Variants in KDM4C observed in about 807,000 individuals in gnomAD.
KDM4C encodes lysine-specific demethylase 4C.
A neutral mutation model predicts 129.3 loss-of-function variants in KDM4C; 81 were observed. The ratio of observed to expected loss-of-function variants is 0.63; its 90% CI spans 0.52 to 0.75. KDM4C has a LOEUF of 0.75. KDM4C is among the 30% of genes least tolerant of loss of function. The probability of loss-of-function intolerance (pLI) is 0.00; values close to 1 mark genes in which losing one functional copy is unlikely to be tolerated. For missense variants in KDM4C, 1,457 were observed against 1,304.0 expected, an observed-to-expected ratio of 1.12 and a Z score of -1.81; for synonymous variants, 573 against 456.1, an observed-to-expected ratio of 1.26 and a Z score of -3.26.
intron 5 of KDM4C, among the ~76,000 whole-genome samples, chr9:6,860,797 A>C (rs184291975): frequency 6.6e-5 from 10 of 152,294 alleles, no homozygotes; most frequent in Non-Finnish European, 1.2e-4. Flanking sequence ...ATTCATGTTA[A>C]AATGATCTCA....
At chr9:7,010,428 A>T (rs141784818) in intron 12 of KDM4C, among the ~76,000 whole-genome samples, 371 of 152,336 alleles carry the variant, frequency 2.4e-3, no homozygotes, top group South Asian at 5.4e-3. Flanking sequence ...CCATTTTGCC[A>T]TCAGTGCAAA....
chr9:6,762,261 A>G (rs1283038729), intron 1 of KDM4C, among the ~76,000 whole-genome samples: 1 of 113,010 alleles, frequency 8.8e-6, no homozygotes, highest in Admixed American at 9.8e-5. Flanking sequence ...CCCCCACCCC[A>G]CAACAGGCCC....
intron 8 of KDM4C, among the ~76,000 whole-genome samples, chr9:6,950,042 G>GT (rs35466020): frequency 0.33 from 39,774 of 122,330 alleles, 6,819 homozygotes; most frequent in East Asian, 0.57. Flanking sequence ...CATGTGGCTG[G>GT]TTTTTTTTTT....
intron 8 of KDM4C, among the ~76,000 whole-genome samples, chr9:6,976,894 C>A (rs947252488): frequency 1.3e-5 from 2 of 151,512 alleles, no homozygotes; most frequent in African/African-American, 2.4e-5. Flanking sequence ...TATTTTAGAT[C>A]TAAAGGATAA....
At chr9:7,161,432 G>C (rs1460667599) in intron 19 of KDM4C, among the ~76,000 whole-genome samples, 1 of 152,222 alleles carries the variant, frequency 6.6e-6, no homozygotes, top group Non-Finnish European at 1.5e-5. Context: ...GAGAGCTGCA[G>C]ACGGGAGCTG....
At chr9:6,925,072 C>A (rs1822231006) in intron 8 of KDM4C, 1 of 985,358 alleles carries the variant, frequency 1.0e-6, no homozygotes, top group Non-Finnish European at 1.2e-6. Flanking sequence ...AAACATGCAT[C>A]CTTTTTAAAA....
At chr9:7,085,456 A>C (rs1835001780) in intron 17 of KDM4C, among the ~76,000 whole-genome samples, 1 of 152,172 alleles carries the variant, frequency 6.6e-6, no homozygotes, top group Non-Finnish European at 1.5e-5. Flanking sequence ...GAGGGAGAAA[A>C]ACAGGCTTTT....
At chr9:6,783,389 A>T (rs1422805241) in intron 1 of KDM4C, among the ~76,000 whole-genome samples, 3 of 152,192 alleles carry the variant, frequency 2.0e-5, no homozygotes, top group Non-Finnish European at 4.4e-5. Context: ...TTTTAGATTC[A>T]TTATTGTCTC....
chr9:7,077,263 A>G (rs928996594), intron 17 of KDM4C: 8 of 979,682 alleles, frequency 8.2e-6, no homozygotes, highest in Non-Finnish European at 9.7e-6. Flanking sequence ...ATTTGCATGG[A>G]TCTTGGATTA....
At chr9:6,961,091 A>G (rs1829968830) in intron 8 of KDM4C, among the ~76,000 whole-genome samples, 1 of 152,246 alleles carries the variant, frequency 6.6e-6, no homozygotes, top group African/African-American at 2.4e-5. Context: ...TGCCTCTTGA[A>G]TAGCCACACA....
chr9:6,975,567 A>T (rs937409809), intron 8 of KDM4C, among the ~76,000 whole-genome samples: 4 of 152,000 alleles, frequency 2.6e-5, no homozygotes, highest in African/African-American at 9.7e-5. Flanking sequence ...GTTTCTTCAT[A>T]TATTTTTTTA....
chr9:6,765,186 C>A (rs1208524984), intron 1 of KDM4C, among the ~76,000 whole-genome samples: 1 of 152,190 alleles, frequency 6.6e-6, no homozygotes, highest in Non-Finnish European at 1.5e-5. Context: ...ATATCTCTTT[C>A]TACCCCAAGC....
Position 6,758,037 on chromosome 9 carries a change from C to G in KDM4C, c.-184C>G. ...CCACCCCCTCGACGGGAGGGTGAGG[C>G]GCGGCGCAGTGATCGGGCGGCCGGG... On this transcript the variant is annotated 5_prime_UTR_variant, in exon 1 of 22. Transcript: ENST00000381309. The surrounding 1 kb of genome is among the most constrained non-coding windows in gnomAD (Gnocchi z 4.6). 1 of 985,444 alleles carries G rather than the reference C, an allele frequency of 1.0e-6. No individual in the cohort carries two copies. Among genetic ancestry groups the G allele is most frequent in the South Asian group, 4.7e-5 (1 of 21,292 alleles). 61.0% of individuals were successfully genotyped at this position (985,444 alleles called of 1,614,324 possible). A position where few individuals can be genotyped will look rare whatever the true frequency, so the allele number is the denominator to read the frequency against.
At chr9:6,994,751 A>C (rs774830092) in intron 12 of KDM4C, among the ~76,000 whole-genome samples, 1 of 152,236 alleles carries the variant, frequency 6.6e-6, no homozygotes, top group Non-Finnish European at 1.5e-5. Flanking sequence ...TAGTCTCCCT[A>C]TATATGTGTA....
chr9:6,874,619 C>CA (rs1843288276), intron 5 of KDM4C, among the ~76,000 whole-genome samples: 1 of 152,080 alleles, frequency 6.6e-6, no homozygotes, highest in South Asian at 2.1e-4. Flanking sequence ...ATTTTTAGGG[C>CA]AGTTCTTCTG....
At chr9:6,830,299 T>G (rs559472615) in intron 4 of KDM4C, among the ~76,000 whole-genome samples, 33 of 152,310 alleles carry the variant, frequency 2.2e-4, no homozygotes, top group African/African-American at 7.9e-4. Context: ...GCTTACAATC[T>G]CCCTCATAAT....
intron 15 of KDM4C, among the ~76,000 whole-genome samples, chr9:7,038,766 A>G (rs894749248): frequency 1.3e-5 from 2 of 152,040 alleles, no homozygotes; most frequent in Admixed American, 6.6e-5. Context: ...TAACCATCAT[A>G]ACAGCTTACA....
chr9:6,893,193 T>C lies in KDM4C; in HGVS notation c.882T>C (p.Ala294=). 6.2e-7 allele frequency: 1 copy of C among 1,611,468 alleles called. No individual in the cohort carries two copies. The highest frequency in any genetic ancestry group is 8.5e-7 in the Non-Finnish European group (1 of 1,178,796). The change falls in exon 8 of 22, where the codon GCT becomes GCC. Residue 294 remains alanine (A), a synonymous_variant. Coordinates refer to ENST00000381309, the MANE Select transcript of KDM4C (RefSeq NM_015061.6). Reference sequence around the variant, plus strand: ...ACTGTGCAGAATCTACAAATTTTGCTACTGTCAGATGGATTGACTATGGAA... The same window carrying C: ...ACTGTGCAGAATCTACAAATTTTGCCACTGTCAGATGGATTGACTATGGAA... ...GFNCAESTNF[A]TVRWIDYGKV...
At chr9:6,982,696 C>A (rs1238336596) in intron 9 of KDM4C, 1 of 152,222 alleles carries the variant, frequency 6.6e-6, no homozygotes, top group Non-Finnish European at 1.5e-5. Context: ...ACCAGGAGAA[C>A]ATCTTGAGCA....
Sources: gnomAD v4.1 joint callset for allele counts (sites outside exome capture counted in the v4.1 genomes callset) on GRCh38, gnomAD v4.1.1 for gene constraint, Gnocchi (gnomAD v3.1) non-coding constraint, MANE v1.5 for transcripts, NCBI Gene and HGNC (gene_info 2026-07-23, HGNC 2026-07-21) for gene names.